PALLD: variants seen among roughly 807,000 people sequenced by gnomAD.
PALLD encodes palladin.
In PALLD, 61 loss-of-function variants were observed where a neutral mutation model predicts 123.5. The ratio of observed to expected loss-of-function variants is 0.49; its 90% CI spans 0.40 to 0.61. PALLD has a LOEUF of 0.61. Ranked by LOEUF, PALLD falls within the 20% of genes least tolerant of loss-of-function variation. The pLI, the probability that PALLD is intolerant of heterozygous loss-of-function variation, is 0.00. For synonymous variants in PALLD, 465 were observed against 496.4 expected, an observed-to-expected ratio of 0.94 and a Z score of 0.84; for missense variants, 1,273 against 1,377.0, an observed-to-expected ratio of 0.92 and a Z score of 1.20.
At chr4:168,704,416 A>G (rs1349098310) in intron 8 of PALLD, among the ~76,000 whole-genome samples, 1 of 152,194 alleles carries the variant, frequency 6.6e-6, no homozygotes. Flanking sequence ...TCACGCCTGT[A>G]ATCCCAGCAC....
intron 10 of PALLD, among the ~76,000 whole-genome samples, chr4:168,830,938 C>G (rs1744121506): frequency 6.6e-6 from 1 of 152,212 alleles, no homozygotes; most frequent in South Asian, 2.1e-4. Flanking sequence ...GTTACCGAAA[C>G]AGCCTGGCAC....
intron 6 of PALLD, among the ~76,000 whole-genome samples, chr4:168,688,048 C>T (rs1782258299): frequency 6.6e-6 from 1 of 152,176 alleles, no homozygotes; most frequent in Non-Finnish European, 1.5e-5. Flanking sequence ...CTTGATGCAT[C>T]TGCTTTTCCC....
intron 10 of PALLD, among the ~76,000 whole-genome samples, chr4:168,842,165 G>A (rs112864594): frequency 5.3e-5 from 8 of 152,188 alleles, no homozygotes; most frequent in South Asian, 4.1e-4. Context: ...TTCATTCACC[G>A]TGCTTTTAGG....
intron 1 of PALLD, among the ~76,000 whole-genome samples, chr4:168,500,283 C>T (rs577408514): frequency 6.2e-4 from 94 of 152,298 alleles, no homozygotes; most frequent in Non-Finnish European, 8.5e-4. Flanking sequence ...AGTTCCTCCA[C>T]GTCAAAGAAA....
chr4:168,520,341 A>G (rs1469307177), intron 2 of PALLD, among the ~76,000 whole-genome samples: 4 of 65,420 alleles, frequency 6.1e-5, no homozygotes, highest in Admixed American at 1.7e-4. Context: ...AAAAAAAAAA[A>G]AAAAAAAGAG....
rs1241291269 is a variant in PALLD, at chr4:168,918,335, T to TATATAC, written c.2850+2312_2850+2317dup. Among the ~76,000 whole-genome samples the TATATAC allele has an allele frequency of 3.8e-4, 57 of 151,296 alleles. 1 individual carries two copies. Among genetic ancestry groups the TATATAC allele is most frequent in the Non-Finnish European group, 1.0e-4 (7 of 67,842 alleles). Reference sequence around the variant, plus strand: ...ATAAAGAAAATATGAGATATATATATATATACATACATACACACACAGTGG... The same window carrying TATATAC: ...ATAAAGAAAATATGAGATATATATATATATACATATACATACATACACACACAGTGG... On this transcript the variant is annotated intron_variant, in intron 17 of 21. Transcript: ENST00000505667.
chr4:168,506,164 T>C (rs1761978288), intron 1 of PALLD: 1 of 152,228 alleles, frequency 6.6e-6, no homozygotes, highest in Admixed American at 6.5e-5. Context: ...ATCACACAGA[T>C]TAATGACACT....
chr4:168,780,884 C>G (rs987017410), intron 10 of PALLD, among the ~76,000 whole-genome samples: 1 of 152,062 alleles, frequency 6.6e-6, no homozygotes, highest in Non-Finnish European at 1.5e-5. Context: ...GACGGGGTTT[C>G]GCTATGTTGG....
intron 2 of PALLD, among the ~76,000 whole-genome samples, chr4:168,515,644 G>A (rs961790345): frequency 4.6e-5 from 7 of 152,190 alleles, no homozygotes; most frequent in African/African-American, 1.2e-4. Flanking sequence ...TAGGGAATGC[G>A]TCACAGGAAA....
chr4:168,848,897 G>A (rs1199040058), intron 10 of PALLD, among the ~76,000 whole-genome samples: 3 of 152,012 alleles, frequency 2.0e-5, no homozygotes, highest in Admixed American at 6.6e-5. Flanking sequence ...GATTAACTTC[G>A]AAGTCCACTG....
intron 8 of PALLD, among the ~76,000 whole-genome samples, chr4:168,699,234 A>G (rs1336842572): frequency 1.3e-5 from 2 of 151,938 alleles, no homozygotes; most frequent in Non-Finnish European, 2.9e-5. Context: ...ATCCACCACC[A>G]CGCCCAGCTA....
intron 3 of PALLD, among the ~76,000 whole-genome samples, chr4:168,673,036 C>T (rs756935819): frequency 5.3e-5 from 8 of 152,132 alleles, no homozygotes; most frequent in African/African-American, 1.2e-4. Context: ...CATCAGGCAA[C>T]AGGATTTTGG....
Position 168,631,808 on chromosome 4 carries a change from CA to C in PALLD, c.909-36381del, listed in dbSNP as rs1487306158. ...TGCAAACGAGATCGCATTCAGAGCC[CA>C]GAAGTTGCAAGCTGGGAATAAGCGA... On this transcript the variant is annotated intron_variant, in intron 2 of 21. Coordinates refer to ENST00000505667, the MANE Select transcript of PALLD (RefSeq NM_001166108.2). The C allele has an allele frequency of 5.1e-6, 5 of 985,338 alleles. No homozygotes were observed. The African/African-American group carries it at 8.7e-5, about 17-fold the overall frequency. The allele number at this position is 985,338 out of a possible 1,614,324, so 61.0% of individuals were successfully genotyped here. A position where few individuals can be genotyped will look rare whatever the true frequency, so the allele number is the denominator to read the frequency against.
chr4:168,721,656 G>T (rs1786031440), intron 10 of PALLD, among the ~76,000 whole-genome samples: 2 of 152,060 alleles, frequency 1.3e-5, no homozygotes, highest in Non-Finnish European at 2.9e-5. Context: ...AGGTACTTTT[G>T]ATCCTTTCTC....
At chr4:168,843,113 T>C (rs1474949266) in intron 10 of PALLD, among the ~76,000 whole-genome samples, 1 of 152,234 alleles carries the variant, frequency 6.6e-6, no homozygotes, top group Non-Finnish European at 1.5e-5. Flanking sequence ...GAATTCTAAA[T>C]GCAGGAAGGT....
At chr4:168,825,607 C>T (rs945838344) in intron 10 of PALLD, among the ~76,000 whole-genome samples, 1 of 152,180 alleles carries the variant, frequency 6.6e-6, no homozygotes, top group Non-Finnish European at 1.5e-5. Flanking sequence ...AGACCCAATT[C>T]CCTCCTTCTT....
At chr4:168,729,764 A>G (rs1421111864) in intron 10 of PALLD, among the ~76,000 whole-genome samples, 3 of 152,254 alleles carry the variant, frequency 2.0e-5, no homozygotes, top group Non-Finnish European at 4.4e-5. Flanking sequence ...GAAAGGGTAC[A>G]GACCACATTA....
At chr4:168,795,201 G>C (rs1377373000) in intron 10 of PALLD, among the ~76,000 whole-genome samples, 1 of 152,156 alleles carries the variant, frequency 6.6e-6, no homozygotes, top group Non-Finnish European at 1.5e-5. Flanking sequence ...CAAACATTCA[G>C]TCTTTAGCAA....
intron 3 of PALLD, among the ~76,000 whole-genome samples, chr4:168,670,594 G>A (rs1396035448): frequency 3.3e-5 from 5 of 150,736 alleles, no homozygotes; most frequent in South Asian, 2.1e-4. Context: ...TTAGCCGGGC[G>A]CGGTGGCGGG....
Sources: allele counts gnomAD v4.1 joint callset (sites outside exome capture counted in the v4.1 genomes callset), GRCh38; gene constraint gnomAD v4.1.1; transcripts MANE v1.5; gene names NCBI Gene and HGNC (gene_info 2026-07-23, HGNC 2026-07-21).